FLT3: variants seen among roughly 807,000 people sequenced by gnomAD.
The protein encoded by FLT3 is fms related receptor tyrosine kinase 3, also known as receptor-type tyrosine-protein kinase FLT3.
Under a neutral mutation model 126.6 loss-of-function variants are expected in FLT3, and 46 were observed. The ratio of observed to expected loss-of-function variants is 0.36; its 90% CI spans 0.29 to 0.46. The LOEUF is 0.46. Ranked by LOEUF, FLT3 falls within the 20% of genes least tolerant of loss-of-function variation. The pLI is 1.00. For missense variants in FLT3, 1,069 were observed against 1,190.3 expected (o/e 0.90, Z 1.50); for synonymous variants, 404 against 434.4 (o/e 0.93, Z 0.87).
chr13:28,066,826 G>A (rs1169360613), intron 2 of FLT3, among the ~76,000 whole-genome samples: 1 of 152,126 alleles, frequency 6.6e-6, no homozygotes, highest in Non-Finnish European at 1.5e-5. Context: ...AAATCAGTAG[G>A]TGAAAATTAA....
chr13:28,057,532 C>G, intron 3 of FLT3, 70 bp from the exon 4 acceptor site: 1 of 795,284 alleles, frequency 1.3e-6, no homozygotes, highest in Non-Finnish European at 2.2e-6. Flanking sequence ...TTCATAGTGA[C>G]TAAAAAGGCA....
chr13:28,059,646 T>A (rs918442047), intron 3 of FLT3, among the ~76,000 whole-genome samples: 1 of 152,148 alleles, frequency 6.6e-6, no homozygotes, highest in African/African-American at 2.4e-5. Context: ...AGAATAAATT[T>A]CCTTTAAAAA....
chr13:28,014,311 A>G lies in FLT3; in HGVS notation c.2859+141T>C, dbSNP rs1161023071. 5 of 622,444 alleles carry G rather than the reference A, an allele frequency of 8.0e-6. No individual in the cohort carries two copies. In the Admixed American group the frequency reaches 1.1e-4, roughly 14 times the overall value. The allele number at this position is 622,444 out of a possible 1,614,324, so 38.6% of individuals were successfully genotyped here. A position where few individuals can be genotyped will look rare whatever the true frequency, so the allele number is the denominator to read the frequency against. On this transcript the variant is annotated intron_variant, in intron 23 of 23. Transcript: ENST00000241453. ...AAACAAATAAATAAAGTCTTACCCC[A>G]CACAACTTTGAAAGGGCAACCCAGA...
intron 1 of FLT3, among the ~76,000 whole-genome samples, chr13:28,073,188 T>G (rs191267661): frequency 6.6e-6 from 1 of 151,964 alleles, no homozygotes; most frequent in East Asian, 1.9e-4. Flanking sequence ...AAATTTTTTT[T>G]AAATTAACTG....
intron 23 of FLT3, among the ~76,000 whole-genome samples, chr13:28,010,199 C>T (rs1871241166): frequency 6.6e-6 from 1 of 152,200 alleles, no homozygotes; most frequent in Admixed American, 6.5e-5. Context: ...ATGAACCAAA[C>T]AGATGTGGTC....
At chr13:28,072,422 A>G (rs1236934819) in intron 1 of FLT3, among the ~76,000 whole-genome samples, 1 of 150,808 alleles carries the variant, frequency 6.6e-6, no homozygotes, top group Non-Finnish European at 1.5e-5. Flanking sequence ...ATTGAGACAG[A>G]GTCTTGATCT....
At chr13:28,076,357 A>AT (rs1466992880) in intron 1 of FLT3, among the ~76,000 whole-genome samples, 1 of 152,162 alleles carries the variant, frequency 6.6e-6, no homozygotes, top group East Asian at 1.9e-4. Context: ...ATGAAAGGGA[A>AT]TTTTTTAGAG....
Position 28,050,095 on chromosome 13 carries a change from C to G in FLT3, c.742G>C (p.Asp248His). The change falls in exon 6 of 24, where the codon GAT becomes CAT. Residue 248 changes from aspartate (D) to histidine (H), a missense_variant and splice_region_variant. Coordinates refer to ENST00000241453, the MANE Select transcript of FLT3 (RefSeq NM_004119.3). ...GRECTRLFTI[D>H]LNQTPQTTLP... ...AAAGTGCATGATATTATAGTGTTAC[C>G]TATTGTGAACAGCCTGGTGCATTCC... 6.2e-7 allele frequency: 1 copy of G among 1,613,962 alleles called. No individual in the cohort carries two copies. Among genetic ancestry groups the G allele is most frequent in the East Asian group, 2.2e-5 (1 of 44,866 alleles).
chr13:28,070,991 C>CT (rs11408684), intron 1 of FLT3, among the ~76,000 whole-genome samples: 66,997 of 90,704 alleles, frequency 0.74, 27,060 homozygotes, highest in East Asian at 0.81. Flanking sequence ...AGATTTCTAC[C>CT]TTTTTTTTTT....
chr13:28,085,361 A>G (rs1432207333), intron 1 of FLT3, among the ~76,000 whole-genome samples: 1 of 139,970 alleles, frequency 7.1e-6, no homozygotes, highest in Non-Finnish European at 1.6e-5. Flanking sequence ...AAAAAAAAAA[A>G]AAAAAAAGAA....
At chr13:28,046,537 C>T (rs1041975599) in intron 9 of FLT3, among the ~76,000 whole-genome samples, 11 of 152,002 alleles carry the variant, frequency 7.2e-5, no homozygotes, top group African/African-American at 2.4e-4. Flanking sequence ...TCGCTGAATG[C>T]GATATATCCA....
chr13:28,084,086 G>C (rs1878498949), intron 1 of FLT3, among the ~76,000 whole-genome samples: 1 of 151,454 alleles, frequency 6.6e-6, no homozygotes, highest in Admixed American at 6.6e-5. Context: ...TGAACTCTTA[G>C]GCTCAAATGA....
intron 9 of FLT3, among the ~76,000 whole-genome samples, chr13:28,042,223 A>G (rs182643719): frequency 1.5e-3 from 232 of 150,176 alleles, no homozygotes; most frequent in African/African-American, 4.4e-3. Context: ...AAGAAAAAAA[A>G]GTAAAGTTGA....
chr13:28,067,604 T>TA lies in FLT3; in HGVS notation c.165+2886dup, dbSNP rs560221145. 532 of 151,968 alleles carry TA rather than the reference T, an allele frequency of 3.5e-3. 8 individuals carry two copies. Among genetic ancestry groups the TA allele is most frequent in the Non-Finnish European group, 5.0e-3 (341 of 68,160 alleles). 9.4% of individuals were successfully genotyped at this position (151,968 alleles called of 1,614,324 possible). A position where few individuals can be genotyped will look rare whatever the true frequency, so the allele number is the denominator to read the frequency against. On this transcript the variant is annotated intron_variant, in intron 2 of 23. Transcript: ENST00000241453. Reference sequence around the variant, plus strand: ...CTGTGATATCTCAAAATCACAATGTTAAAAAAAAATACAACTTTTGTAATA... The same window carrying TA: ...CTGTGATATCTCAAAATCACAATGTTAAAAAAAAAATACAACTTTTGTAATA...
chr13:28,025,630 T>C (rs1441393175), intron 17 of FLT3, among the ~76,000 whole-genome samples: 2 of 152,188 alleles, frequency 1.3e-5, no homozygotes, highest in Non-Finnish European at 2.9e-5. Flanking sequence ...GTATTTAATA[T>C]TCCAGTGAAC....
intron 9 of FLT3, among the ~76,000 whole-genome samples, chr13:28,044,223 C>T (rs1449022872): frequency 3.4e-5 from 5 of 147,906 alleles, no homozygotes; most frequent in African/African-American, 1.0e-4. Flanking sequence ...CCGAGGTGGG[C>T]GTATCATTTG....
At chr13:28,021,776 T>A (rs140768069) in intron 19 of FLT3, among the ~76,000 whole-genome samples, 2,425 of 151,548 alleles carry the variant, frequency 0.016, 78 homozygotes, top group African/African-American at 0.054. Flanking sequence ...AGAGTCTCAC[T>A]CTGTCGCCCA....
In FLT3 at chr13:28,003,997, T is replaced by C; in HGVS notation, c.*55A>G. On this transcript the variant is annotated 3_prime_UTR_variant, in exon 24 of 24. Coordinates refer to ENST00000241453, the MANE Select transcript of FLT3 (RefSeq NM_004119.3). ...TGAAATTAATCTTGTTTTGGTAATC[T>C]ACAGCCTGTTAGGGATAGGTGGAGG... is the stretch of plus-strand genomic sequence containing the variant. 2 of 1,600,696 alleles carry C rather than the reference T, an allele frequency of 1.2e-6. No homozygotes were observed. Among genetic ancestry groups the C allele is most frequent in the Middle Eastern group, 1.7e-4 (1 of 5,910 alleles).
chr13:28,007,934 T>C (rs1871052079), intron 23 of FLT3, among the ~76,000 whole-genome samples: 1 of 152,220 alleles, frequency 6.6e-6, no homozygotes, highest in Non-Finnish European at 1.5e-5. Context: ...CTCTGTGTCA[T>C]TAAATCTGGC....
Sources: allele counts gnomAD v4.1 joint callset (sites outside exome capture counted in the v4.1 genomes callset), GRCh38; gene constraint gnomAD v4.1.1; transcripts MANE v1.5; gene names NCBI Gene and HGNC (gene_info 2026-07-23, HGNC 2026-07-21).